Variants in KPNB1 observed in about 807,000 individuals in gnomAD.
KPNB1 encodes the protein importin subunit beta-1.
In KPNB1, 7 loss-of-function variants were observed where a neutral mutation model predicts 113.0. The observed-to-expected ratio is 0.06, with a 90% confidence interval of 0.04 to 0.12. The LOEUF (loss-of-function observed/expected upper bound fraction) is 0.12. KPNB1 is among the 10% of genes least tolerant of loss of function. The pLI, the probability that KPNB1 is intolerant of heterozygous loss-of-function variation, is 1.00. For missense variants in KPNB1, 400 were observed against 1,054.8 expected, an observed-to-expected ratio of 0.38 and a Z score of 8.60; for synonymous variants, 363 against 378.6, an observed-to-expected ratio of 0.96 and a Z score of 0.48.
At chr17:47,650,327 G>C in intron 1 of KPNB1, 43 bp downstream of exon 1, 3 of 1,611,148 alleles carry the variant, frequency 1.9e-6, no homozygotes, top group African/African-American at 1.3e-5. Flanking sequence ...TGATTGGGGT[G>C]GGGGAGGGGA....
chr17:47,649,931 G>A lies in KPNB1; in HGVS notation c.-314G>A, dbSNP rs1054269811. On this transcript the variant is annotated 5_prime_UTR_variant, in exon 1 of 22. Transcript: ENST00000290158. Reference sequence around the variant, plus strand: ...TCCCTCCCTCGCTCCCTCCCTGCGCGCCGCCTCTCACTCACAGCCTCCCTT... The same window carrying A: ...TCCCTCCCTCGCTCCCTCCCTGCGCACCGCCTCTCACTCACAGCCTCCCTT... 3.2e-6 allele frequency: 4 copies of A among 1,268,836 alleles called. No individual in the cohort carries two copies. The highest frequency in any genetic ancestry group is 2.5e-5 in the South Asian group (1 of 40,642). The allele number at this position is 1,268,836 out of a possible 1,614,324, so 78.6% of individuals were successfully genotyped here.
At chr17:47,678,228 C>T (rs755973904) in intron 18 of KPNB1, 39 bp downstream of exon 18, 2 of 1,611,458 alleles carry the variant, frequency 1.2e-6, no homozygotes, top group South Asian at 2.2e-5. Flanking sequence ...TTAAGTCTAG[C>T]TCTAATTGGA....
chr17:47,673,531 C>A lies in KPNB1; in HGVS notation c.1737C>A (p.Asp579Glu). ...QSTSDRIQFN[D>E]LQSLLCATLQ... Reference sequence around the variant, plus strand: ...CATCCGATAGAATCCAGTTCAATGACCTTCAGTCTTTACTCTGTGCAACTC... The same window carrying A: ...CATCCGATAGAATCCAGTTCAATGAACTTCAGTCTTTACTCTGTGCAACTC... Residue 579 changes from aspartate to glutamate, a missense_variant, in exon 14 of 22, where the codon GAC (aspartate) becomes GAA (glutamate). Coordinates refer to ENST00000290158, the MANE Select transcript of KPNB1 (RefSeq NM_002265.6). The A allele has an allele frequency of 6.2e-7, 1 of 1,613,526 alleles. No homozygotes were observed. Among genetic ancestry groups the A allele is most frequent in the Non-Finnish European group, 8.5e-7 (1 of 1,179,456 alleles).
chr17:47,681,552 G>T (rs140775662), intron 21 of KPNB1, among the ~76,000 whole-genome samples: 498 of 151,798 alleles, frequency 3.3e-3, no homozygotes, highest in African/African-American at 0.012. Flanking sequence ...GATTACAGGC[G>T]TAAGCTACCA....
intron 15 of KPNB1, among the ~76,000 whole-genome samples, chr17:47,675,375 T>TTTTTG (rs1567894340): frequency 8.4e-6 from 1 of 119,490 alleles, no homozygotes; most frequent in Admixed American, 7.8e-5. Flanking sequence ...TTTTTTTGTT[T>TTTTTG]TTTTTTTTTG....
intron 5 of KPNB1, 141 bp downstream of exon 5, chr17:47,658,801 T>C (rs1022209206): frequency 2.9e-6 from 2 of 687,092 alleles, no homozygotes; most frequent in African/African-American, 3.6e-5. Context: ...TTTAGTCGAG[T>C]TCGTATTGTG....
chr17:47,680,544 A>G lies in KPNB1; in HGVS notation c.2505A>G (p.Lys835=), dbSNP rs1228832375. 3 of 1,614,112 alleles carry G rather than the reference A, an allele frequency of 1.9e-6. No individual in the cohort carries two copies. Among genetic ancestry groups the G allele is most frequent in the East Asian group, 2.2e-5 (1 of 44,900 alleles). The change falls in exon 21 of 22, where the codon AAA becomes AAG. Residue 835 remains lysine (K), a synonymous_variant. Coordinates refer to ENST00000290158, the MANE Select transcript of KPNB1 (RefSeq NM_002265.6). ...CAGCATTTGGGAAGGATGTACTGAA[A>G]TTAGTAGAAGCTAGGCCAATGATCC... ...LCTAFGKDVL[K]LVEARPMIHE...
chr17:47,678,582 A>G lies in KPNB1; in HGVS notation c.2353+169A>G, dbSNP rs1207401003. On this transcript the variant is annotated intron_variant, in intron 19 of 21. Transcript: ENST00000290158. ...AAGAGAGTGGCTTGGGGAAAACTGT[A>G]GACTACTGTTTTTGCTCTGCTTCTT... The G allele has an allele frequency of 1.3e-5, 8 of 600,964 alleles. No individual in the cohort carries two copies. In the East Asian group the frequency reaches 1.9e-4, roughly 15 times the overall value. The allele number at this position is 600,964 out of a possible 1,614,324, so 37.2% of individuals were successfully genotyped here.
At position 47,670,815 on chromosome 17, in the gene KPNB1, C is replaced by G; in HGVS notation, c.1530C>G (p.Leu510=). 3 of 1,609,030 alleles carry G rather than the reference C, an allele frequency of 1.9e-6. No individual in the cohort carries two copies. The highest frequency in any genetic ancestry group is 2.2e-5 in the South Asian group (2 of 90,912). ...SSSFELIVQK[L]LETTDRPDGH... is the part of the protein sequence containing the mutation. ...CATTTGAACTCATAGTTCAGAAGCT[C>G]CTAGAGACTACAGACAGGTAACTGA... Residue 510 remains leucine, a synonymous_variant, in exon 12 of 22, where the codon CTC becomes CTG. Transcript: ENST00000290158.
At chr17:47,676,964 C>G (rs1473705463) in intron 16 of KPNB1, 56 bp from the exon 17 acceptor site, 5 of 1,343,534 alleles carry the variant, frequency 3.7e-6, no homozygotes, top group Non-Finnish European at 5.3e-6. Context: ...AAAATAATAT[C>G]TTGCCCCAGC....
Position 47,659,087 on chromosome 17 carries a change from G to A in KPNB1, c.636+427G>A, listed in dbSNP as rs2030006171. On this transcript the variant is annotated intron_variant, in intron 5 of 21. Coordinates refer to ENST00000290158, the MANE Select transcript of KPNB1 (RefSeq NM_002265.6). Reference sequence around the variant, plus strand: ...GAATAGGCTGGGCGATGTGGCTTAAGCCTGTAATCCCAGCACTTTGGGAGG... The same window carrying A: ...GAATAGGCTGGGCGATGTGGCTTAAACCTGTAATCCCAGCACTTTGGGAGG... Among the ~76,000 whole-genome samples the A allele has an allele frequency of 2.6e-5, 4 of 152,304 alleles. No homozygotes were observed. In the South Asian group the frequency reaches 8.3e-4, roughly 32 times the overall value.
chr17:47,658,533 C>A lies in KPNB1; in HGVS notation c.509C>A (p.Ser170Tyr). The A allele has an allele frequency of 6.2e-7, 1 of 1,613,384 alleles. No individual in the cohort carries two copies. The highest frequency in any genetic ancestry group is 1.6e-4 in the Middle Eastern group (1 of 6,062). The change falls in exon 5 of 22, where the codon TCC (serine) becomes TAC (tyrosine). Residue 170 changes from serine (S) to tyrosine (Y), a missense_variant. Around this residue, in one of 2 missense-constraint regions of KPNB1, gnomAD observed 285 missense variants for 627.0 expected, o/e 0.45. Transcript: ENST00000290158. ...GACCCAGAGCAGCTACAAGATAAAT[C>A]CAATGAGATTCTGACTGCCATAATC... ...DIDPEQLQDK[S>Y]NEILTAIIQG...
At chr17:47,673,632 T>G in intron 14 of KPNB1, 71 bp downstream of exon 14, 1 of 1,175,510 alleles carries the variant, frequency 8.5e-7, no homozygotes. Flanking sequence ...AACAAGTTCG[T>G]GTACACACAG....
intron 8 of KPNB1, 39 bp from the exon 9 acceptor site, chr17:47,665,018 C>A (rs200505023): frequency 6.7e-7 from 1 of 1,497,664 alleles, no homozygotes; most frequent in Non-Finnish European, 9.3e-7. Flanking sequence ...ATACAGAGCT[C>A]GGTTGCTTTT....
chr17:47,658,920 G>T (rs1021294263), intron 5 of KPNB1, among the ~76,000 whole-genome samples: 10 of 152,042 alleles, frequency 6.6e-5, no homozygotes, highest in East Asian at 1.9e-4. Flanking sequence ...ATGTTGTTGG[G>T]TTTTTTTAAA....
At chr17:47,667,139 T>TG (rs1297908695) in intron 9 of KPNB1, among the ~76,000 whole-genome samples, 5 of 151,406 alleles carry the variant, frequency 3.3e-5, no homozygotes, top group Non-Finnish European at 5.9e-5. Context: ...GGGGTGGCGT[T>TG]GGGGGGTACA....
rs1367559716 is a variant in KPNB1, at chr17:47,650,091, C to G, written c.-154C>G. 2.1e-6 allele frequency: 3 copies of G among 1,402,110 alleles called. No individual in the cohort carries two copies. The highest frequency in any genetic ancestry group is 9.2e-7 in the Non-Finnish European group (1 of 1,083,038). 86.9% of individuals were successfully genotyped at this position (1,402,110 alleles called of 1,614,324 possible). ...AGGAAGGGGAGCCGGACCGACTACC[C>G]AGACAGAGCCGGTGAATGGGTTTGT... is the stretch of plus-strand genomic sequence containing the variant. On this transcript the variant is annotated 5_prime_UTR_variant, in exon 1 of 22. Coordinates refer to ENST00000290158, the MANE Select transcript of KPNB1 (RefSeq NM_002265.6).
rs150884892 is a variant in KPNB1, at chr17:47,678,245, A to G, written c.2247+56A>G. The G allele has an allele frequency of 3.8e-4, 612 of 1,611,180 alleles. 2 individuals carry two copies. In the East Asian group the frequency reaches 4.9e-3, roughly 13 times the overall value. On this transcript the variant is annotated intron_variant, in intron 18 of 21. Coordinates refer to ENST00000290158, the MANE Select transcript of KPNB1 (RefSeq NM_002265.6). ...AAGTCTAGCTCTAATTGGAGGGACT[A>G]TTGACAAACATGCAGCTAAAAGTGA...
chr17:47,668,721 TC>T (rs770314559), intron 10 of KPNB1, among the ~76,000 whole-genome samples: 1 of 152,218 alleles, frequency 6.6e-6, no homozygotes, highest in Non-Finnish European at 1.5e-5. Context: ...AACAGGCTCT[TC>T]CTGTGCAGAT....
Sources: allele counts gnomAD v4.1 joint callset (sites outside exome capture counted in the v4.1 genomes callset), GRCh38; gene constraint gnomAD v4.1.1; regional missense constraint gnomAD v4.1.1; transcripts MANE v1.5; gene names NCBI Gene and HGNC (gene_info 2026-07-23, HGNC 2026-07-21).